ZFHX3: variants seen among roughly 807,000 people sequenced by gnomAD.
ZFHX3 encodes zinc finger homeobox protein 3.
ZFHX3 carries 42 observed loss-of-function variants against 279.1 expected under a neutral mutation model. That is an observed-to-expected ratio of 0.15 (90% CI 0.12 to 0.19). ZFHX3 has a LOEUF of 0.19. ZFHX3 is among the 10% of genes least tolerant of loss of function. The pLI, the probability that ZFHX3 is intolerant of heterozygous loss-of-function variation, is 1.00. For missense variants in ZFHX3, 4,981 were observed against 4,754.0 expected (o/e 1.05, Z -1.40); for synonymous variants, 2,293 against 1,957.8 (o/e 1.17, Z -4.52).
At chr16:73,392,000 C>A (rs2017022789) in intron 3 of ZFHX3, among the ~76,000 whole-genome samples, 1 of 152,126 alleles carries the variant, frequency 6.6e-6, no homozygotes, top group East Asian at 1.9e-4. Flanking sequence ...ATAAAAATGA[C>A]AATATCACGA....
intron 2 of ZFHX3, among the ~76,000 whole-genome samples, chr16:73,546,835 G>A (rs570225600): frequency 1.3e-5 from 2 of 151,968 alleles, no homozygotes; most frequent in South Asian, 2.1e-4. Context: ...TGAGGGGGGA[G>A]GGAGGCAGAG....
chr16:73,258,494 C>T (rs1257085211), intron 4 of ZFHX3, among the ~76,000 whole-genome samples: 3 of 152,066 alleles, frequency 2.0e-5, no homozygotes, highest in East Asian at 1.9e-4. Flanking sequence ...GGACTACAGG[C>T]GCCCACCACC....
chr16:73,442,361 C>CTTT (rs34507954), intron 3 of ZFHX3, among the ~76,000 whole-genome samples: 1 of 144,820 alleles, frequency 6.9e-6, no homozygotes, highest in Non-Finnish European at 1.5e-5. Flanking sequence ...CCCATTTCCT[C>CTTT]TTTTTTTTTT....
intron 3 of ZFHX3, among the ~76,000 whole-genome samples, chr16:73,399,209 G>A (rs1036630791): frequency 6.6e-6 from 1 of 152,098 alleles, no homozygotes; most frequent in Non-Finnish European, 1.5e-5. Flanking sequence ...CTACAAAAAT[G>A]TTAAAGGGAA....
At chr16:73,115,172 C>T (rs892131800) in intron 7 of ZFHX3, among the ~76,000 whole-genome samples, 9 of 151,996 alleles carry the variant, frequency 5.9e-5, no homozygotes, top group Non-Finnish European at 8.8e-5. Flanking sequence ...TCTCAGCAGA[C>T]GCTGCTGAGT....
rs923429345 is a variant in ZFHX3 at position 73,546,943 on chromosome 16, C to G, written c.-1546-90685G>C. On this transcript the variant is annotated intron_variant, in intron 2 of 17. Coordinates refer to the ZFHX3 transcript ENST00000641206. ...GTCATTTCAGGCCCCTCCGACCCAC[C>G]CCTACCCCTGTCCCCATTGTTAATG... 3.9e-5 allele frequency among the ~76,000 whole-genome samples: 6 copies of G among 151,964 alleles called. No individual in the cohort carries two copies. The East Asian group carries it at 1.2e-3, about 29-fold the overall frequency.
chr16:73,031,461 A>G (rs1203933453), intron 1 of ZFHX3, among the ~76,000 whole-genome samples: 1 of 152,004 alleles, frequency 6.6e-6, no homozygotes, highest in Non-Finnish European at 1.5e-5. Context: ...GGGAAAAGCG[A>G]TTTTCCTTGG....
In ZFHX3 at chr16:72,797,429, T is replaced by TTGAGCC. The variant is rs781151552; in HGVS notation, c.5247_5252dup (p.Ala1750_Gln1751dup). ...GCTCCTGCTGCAGGTGAGCTTGAAC[T>TTGAGCC]TGAGCCTGGGCCTGGGCCAGCGTTT... On this transcript the variant is annotated inframe_insertion, in exon 9 of 10. Coordinates refer to ENST00000268489, the MANE Select transcript of ZFHX3 (RefSeq NM_006885.4). The TTGAGCC allele has an allele frequency of 5.6e-6, 9 of 1,613,194 alleles. No homozygotes were observed. The East Asian group carries it at 2.0e-4, about 36-fold the overall frequency.
chr16:73,284,611 G>A lies in ZFHX3; in HGVS notation c.-1193-27475C>T, dbSNP rs139337342. Among the ~76,000 whole-genome samples, 10 of 152,112 alleles carry A rather than the reference G, an allele frequency of 6.6e-5. No homozygotes were observed. In the East Asian group the frequency reaches 1.9e-3, roughly 29 times the overall value. Reference sequence around the variant, plus strand: ...TTTATAAACTGCTTTTTGCTCTTACGAGAATATCATGAAAACTTTTATAAG... The same window carrying A: ...TTTATAAACTGCTTTTTGCTCTTACAAGAATATCATGAAAACTTTTATAAG... On this transcript the variant is annotated intron_variant, in intron 4 of 17. Coordinates refer to the ZFHX3 transcript ENST00000641206.
intron 3 of ZFHX3, among the ~76,000 whole-genome samples, chr16:73,371,990 G>A (rs2016639598): frequency 6.6e-6 from 1 of 152,256 alleles, no homozygotes; most frequent in Non-Finnish European, 1.5e-5. Context: ...CACATGTCAC[G>A]CGAATTTTTC....
chr16:73,665,207 T>C (rs1000821123), intron 2 of ZFHX3, among the ~76,000 whole-genome samples: 4 of 123,312 alleles, frequency 3.2e-5, no homozygotes, highest in Non-Finnish European at 6.4e-5. Flanking sequence ...CTGATCATCA[T>C]TGCACTTTTT....
At chr16:73,266,178 A>G (rs12600230) in intron 4 of ZFHX3, among the ~76,000 whole-genome samples, 110,120 of 152,116 alleles carry the variant, frequency 0.72, 40,768 homozygotes, top group South Asian at 0.89. Context: ...GGCAAAGACA[A>G]TGCTCACCGC....
intron 4 of ZFHX3, among the ~76,000 whole-genome samples, chr16:73,310,096 A>G (rs1348338500): frequency 1.3e-5 from 2 of 151,734 alleles, no homozygotes; most frequent in African/African-American, 4.8e-5. Context: ...TTTAGTAGAG[A>G]CAGGGTTTCA....
intron 4 of ZFHX3, among the ~76,000 whole-genome samples, chr16:72,847,950 T>A (rs1567545882): frequency 1.3e-5 from 2 of 152,050 alleles, no homozygotes; most frequent in Admixed American, 6.5e-5. Context: ...ATTCACATCA[T>A]CAGGAGAACT....
chr16:73,711,610 T>C (rs1358957844), intron 1 of ZFHX3, among the ~76,000 whole-genome samples: 1 of 152,044 alleles, frequency 6.6e-6, no homozygotes. Flanking sequence ...CAGACACCAC[T>C]CAGCCAGAAA....
rs113783150 is a variant in ZFHX3, at chr16:72,861,891, T to C, written c.3448+27840A>G. ...TTAGCCGGGTGTGGTGGCATGAGCT[T>C]GTAATCCCAACTACTAGGGAGGCTG... On this transcript the variant is annotated intron_variant, in intron 4 of 9. Coordinates refer to ENST00000268489, the MANE Select transcript of ZFHX3 (RefSeq NM_006885.4). Among the ~76,000 whole-genome samples, 21 of 152,166 alleles carry C rather than the reference T, an allele frequency of 1.4e-4. 1 individual carries two copies. Among genetic ancestry groups the C allele is most frequent in the African/African-American group, 5.1e-4 (21 of 41,532 alleles).
chr16:73,150,912 G>A (rs150320504), intron 5 of ZFHX3, among the ~76,000 whole-genome samples: 2,124 of 152,210 alleles, frequency 0.014, 21 homozygotes, highest in Middle Eastern at 0.031. Context: ...AAGTGTGCGC[G>A]CAGATAAGAA....
intron 3 of ZFHX3, among the ~76,000 whole-genome samples, chr16:73,357,490 G>GGACAGA (rs964937830): frequency 3.3e-5 from 5 of 152,172 alleles, no homozygotes; most frequent in African/African-American, 1.2e-4. Flanking sequence ...TTGAGAGAGA[G>GGACAGA]GACAGAGACA....
intron 8 of ZFHX3, among the ~76,000 whole-genome samples, chr16:73,074,375 C>A (rs1443334260): frequency 6.6e-6 from 1 of 152,152 alleles, no homozygotes; most frequent in African/African-American, 2.4e-5. Flanking sequence ...CAACAAGATC[C>A]ATTTGTTTCA....
Sources: allele counts gnomAD v4.1 joint callset (sites outside exome capture counted in the v4.1 genomes callset), GRCh38; gene constraint gnomAD v4.1.1; transcripts MANE v1.5; gene names NCBI Gene and HGNC (gene_info 2026-07-23, HGNC 2026-07-21).